The following GPHN variants were observed in gnomAD, a reference collection of about 807,000 sequenced individuals.
The protein encoded by GPHN is gephyrin.
Under a neutral mutation model 95.5 loss-of-function variants are expected in GPHN, and 17 were observed. The ratio of observed to expected loss-of-function variants is 0.18; its 90% CI spans 0.12 to 0.27. GPHN has a LOEUF of 0.27. Among genes scored for constraint, GPHN ranks in the 10% least tolerant of loss-of-function variants. GPHN has a pLI of 1.00. For synonymous variants in GPHN, 320 were observed against 322.5 expected (o/e 0.99, Z 0.08); for missense variants, 660 against 978.1 (o/e 0.67, Z 4.34).
At chr14:67,323,237 G>GTA in the GPHN span, among the ~76,000 whole-genome samples, 11,582 of 50,770 alleles carry the variant, frequency 0.23, 1,031 homozygotes, top group Middle Eastern at 0.3. Context: ...ATACACGTGT[G>GTA]TGTGTGTGTG....
intron 3 of GPHN, among the ~76,000 whole-genome samples, chr14:66,823,912 C>T (rs1566983095): frequency 6.6e-6 from 1 of 151,848 alleles, no homozygotes; most frequent in East Asian, 1.9e-4. Context: ...ACTTAATTGC[C>T]CTTTTTAGCA....
the GPHN span, chr14:67,674,372 C>G: frequency 4.4e-6 from 7 of 1,591,046 alleles, no homozygotes; most frequent in Non-Finnish European, 6.0e-6. Context: ...ACCCCCGCCT[C>G]ACCGGTCCCC....
chr14:67,656,566 T>TG, the GPHN span: 6 of 1,612,136 alleles, frequency 3.7e-6, no homozygotes, highest in Non-Finnish European at 5.1e-6. Flanking sequence ...GCAGAAGCAT[T>TG]GCCCTTTGAG....
At chr14:67,523,762 T>C in the GPHN span, among the ~76,000 whole-genome samples, 2 of 152,204 alleles carry the variant, frequency 1.3e-5, no homozygotes, top group Non-Finnish European at 2.9e-5. Context: ...GCCCACAGCG[T>C]AGGTCAAGGT....
chr14:67,597,366 T>C, the GPHN span, among the ~76,000 whole-genome samples: 1 of 152,064 alleles, frequency 6.6e-6, no homozygotes, highest in African/African-American at 2.4e-5. Flanking sequence ...TAGTCCCAGC[T>C]ACTCAGGTGG....
rs145995485 is a variant in GPHN, at chr14:66,573,613, C to T, written c.64+65022C>T. Among the ~76,000 whole-genome samples, 1,385 of 152,142 alleles carry T rather than the reference C, an allele frequency of 9.1e-3. 15 individuals carry two copies. The highest frequency in any genetic ancestry group is 0.032 in the African/African-American group (1,316 of 41,532). Reference sequence around the variant, plus strand: ...GACTACAGGCAGGCGCCTGCCACCACGCACGGCTAATTTTTGTATTTTTGG... The same window carrying T: ...GACTACAGGCAGGCGCCTGCCACCATGCACGGCTAATTTTTGTATTTTTGG... On this transcript the variant is annotated intron_variant, in intron 1 of 22. Coordinates refer to ENST00000478722, the MANE Select transcript of GPHN (RefSeq NM_020806.5).
At chr14:66,876,100 C>CA (rs1440006123) in intron 4 of GPHN, among the ~76,000 whole-genome samples, 1 of 152,118 alleles carries the variant, frequency 6.6e-6, no homozygotes, top group African/African-American at 2.4e-5. Context: ...GAAAATCACC[C>CA]AAAACCGCAC....
intron 4 of GPHN, among the ~76,000 whole-genome samples, chr14:66,875,662 G>A (rs937218564): frequency 6.6e-6 from 1 of 152,014 alleles, no homozygotes; most frequent in African/African-American, 2.4e-5. Flanking sequence ...GACAAAGAAG[G>A]GCATTACATA....
In GPHN at chr14:66,674,624, T is replaced by G. The variant is rs1397008045; in HGVS notation, c.65-6483T>G. The stretch of plus-strand genomic sequence containing the variant: ...TCCTCCAGGGTGATCCATATTGCTG[T>G]GTATGAATGCATTTAATTCTCTCTC... On this transcript the variant is annotated intron_variant, in intron 1 of 22. Coordinates refer to ENST00000478722, the MANE Select transcript of GPHN (RefSeq NM_020806.5). 2.6e-5 allele frequency among the ~76,000 whole-genome samples: 4 copies of G among 152,234 alleles called. No individual in the cohort carries two copies. In the South Asian group the frequency reaches 8.3e-4, roughly 31 times the overall value.
At chr14:67,614,218 T>C in the GPHN span, among the ~76,000 whole-genome samples, 1 of 152,216 alleles carries the variant, frequency 6.6e-6, no homozygotes, top group Non-Finnish European at 1.5e-5. Context: ...ATTATAGGCA[T>C]GAGCCACTGC....
chr14:66,692,354 C>T lies in GPHN; in HGVS notation c.143+11169C>T, dbSNP rs2067838812. 2.0e-5 allele frequency among the ~76,000 whole-genome samples: 3 copies of T among 152,076 alleles called. No individual in the cohort carries two copies. In the South Asian group the frequency reaches 6.2e-4, roughly 32 times the overall value. On this transcript the variant is annotated intron_variant, in intron 2 of 22. Transcript: ENST00000478722. The stretch of plus-strand genomic sequence containing the variant: ...TGAGGTACTAACATTTATCAACTAC[C>T]TGCTAGGAACTAAACAGGTGCTTTA...
chr14:67,077,893 C>T (rs565334825), intron 11 of GPHN, among the ~76,000 whole-genome samples: 3 of 152,252 alleles, frequency 2.0e-5, no homozygotes, highest in East Asian at 1.9e-4. Flanking sequence ...TCTTGTCTAC[C>T]GCCTGAGATC....
intron 9 of GPHN, among the ~76,000 whole-genome samples, chr14:66,976,915 T>TG (rs34249632): frequency 0.042 from 3,442 of 81,598 alleles, 103 homozygotes; most frequent in Admixed American, 0.056. Context: ...CAGAAATATG[T>TG]GGGGGGGGGG....
the GPHN span, among the ~76,000 whole-genome samples, chr14:67,278,045 T>C: frequency 6.6e-6 from 1 of 151,790 alleles, no homozygotes; most frequent in African/African-American, 2.4e-5. Context: ...ATTCTTTTTT[T>C]TTTTTTTTTG....
chr14:67,324,741 T>C, the GPHN span, among the ~76,000 whole-genome samples: 4 of 152,038 alleles, frequency 2.6e-5, no homozygotes, highest in East Asian at 5.8e-4. Context: ...TGCACCACCA[T>C]GCCTGGCTAA....
chr14:66,742,759 T>TTTTTG (rs1175063827), intron 2 of GPHN, among the ~76,000 whole-genome samples: 10 of 152,306 alleles, frequency 6.6e-5, no homozygotes, highest in African/African-American at 2.2e-4. Context: ...CTTGTTTTTG[T>TTTTTG]TTTTGTTTTG....
At chr14:67,679,522 G>A in the GPHN span, among the ~76,000 whole-genome samples, 3 of 151,694 alleles carry the variant, frequency 2.0e-5, no homozygotes, top group Non-Finnish European at 4.4e-5. Context: ...TCCTGCCTCA[G>A]CCTCCAGAGT....
At chr14:67,573,327 ACGTGGAAGAGG>A in the GPHN span, 2 of 1,613,738 alleles carry the variant, frequency 1.2e-6, no homozygotes, top group African/African-American at 2.7e-5. The surrounding 1 kb of genome is among the most constrained non-coding windows in gnomAD (Gnocchi z 4.8). Flanking sequence ...CCAGGTGAAG[ACGTGGAAGAGG>A]CGCTGGTTTG....
At chr14:67,725,959 T>G in the GPHN span, 15 of 876,422 alleles carry the variant, frequency 1.7e-5, no homozygotes, top group Non-Finnish European at 2.9e-5. Flanking sequence ...AGACAACTAA[T>G]GAACAAAGGG....
Sources: gnomAD v4.1 joint callset for allele counts (sites outside exome capture counted in the v4.1 genomes callset) on GRCh38, gnomAD v4.1.1 for gene constraint, Gnocchi (gnomAD v3.1) non-coding constraint, MANE v1.5 for transcripts, NCBI Gene and HGNC (gene_info 2026-07-23, HGNC 2026-07-21) for gene names.